The following ZFC3H1 variants were observed in gnomAD, a reference collection of about 807,000 sequenced individuals.
ZFC3H1 encodes the protein zinc finger C3H1-type containing.
In ZFC3H1, 71 loss-of-function variants were observed where a neutral mutation model predicts 243.7. That is an observed-to-expected ratio of 0.29 (90% CI 0.24 to 0.36). The LOEUF is 0.36. ZFC3H1 is among the 10% of genes least tolerant of loss of function. ZFC3H1 has a pLI of 1.00. For synonymous variants in ZFC3H1, 838 were observed against 813.0 expected (o/e 1.03, Z -0.52); for missense variants, 1,966 against 2,317.1 (o/e 0.85, Z 3.11).
At chr12:71,660,110 T>C (rs1465476983) in intron 1 of ZFC3H1, among the ~76,000 whole-genome samples, 1 of 152,196 alleles carries the variant, frequency 6.6e-6, no homozygotes, top group African/African-American at 2.4e-5. Flanking sequence ...TCAGGCTACT[T>C]TACTTCTAAA....
At position 71,657,320 on chromosome 12, in the gene ZFC3H1, A is replaced by T. The variant is rs1436808193; in HGVS notation, c.599-19T>A. 6.9e-7 allele frequency: 1 copy of T among 1,439,518 alleles called. No homozygotes were observed. Among genetic ancestry groups the T allele is most frequent in the Non-Finnish European group, 9.1e-7 (1 of 1,095,530 alleles). 89.2% of individuals were successfully genotyped at this position (1,439,518 alleles called of 1,614,324 possible). A position where few individuals can be genotyped will look rare whatever the true frequency, so the allele number is the denominator to read the frequency against. ...CTTTTGGCTGAACAGCATATTAAGG[A>T]AACCAGTTTCCAAAAATTTTCCACA... is the stretch of plus-strand genomic sequence containing the variant. On this transcript the variant is annotated intron_variant, in intron 1 of 34. Transcript: ENST00000378743.
chr12:71,621,470 G>C (rs143212944), intron 24 of ZFC3H1, among the ~76,000 whole-genome samples: 4,750 of 151,932 alleles, frequency 0.031, 207 homozygotes, highest in African/African-American at 0.11. Context: ...TGCCCGACTA[G>C]TTTTTGTATT....
chr12:71,614,766 G>C, intron 29 of ZFC3H1, 66 bp from the exon 30 acceptor site: 1 of 1,589,642 alleles, frequency 6.3e-7, no homozygotes, highest in Non-Finnish European at 8.6e-7. Context: ...AAGAAAGCTG[G>C]TCACCCCTTT....
At chr12:71,617,208 A>G (rs1305619160) in intron 27 of ZFC3H1, among the ~76,000 whole-genome samples, 2 of 152,218 alleles carry the variant, frequency 1.3e-5, no homozygotes, top group Non-Finnish European at 2.9e-5. Context: ...ACAACTTATG[A>G]ATTTAAAAAA....
rs1880687298 is a variant in ZFC3H1, at chr12:71,644,820, A to G, written c.1279+57T>C. The G allele has an allele frequency of 5.1e-6, 8 of 1,572,716 alleles. No homozygotes were observed. The East Asian group carries it at 1.8e-4, about 35-fold the overall frequency. On this transcript the variant is annotated intron_variant, in intron 4 of 34. Transcript: ENST00000378743. ...GCGACAAGAGCAAAACTCTGTCTCAAAAAACAAAAGAAAAGAAAACAAAAC... is the reference window on the plus strand; with the variant it reads ...GCGACAAGAGCAAAACTCTGTCTCAGAAAACAAAAGAAAAGAAAACAAAAC...
At chr12:71,658,014 T>C (rs1275541587) in intron 1 of ZFC3H1, among the ~76,000 whole-genome samples, 1 of 151,900 alleles carries the variant, frequency 6.6e-6, no homozygotes, top group Non-Finnish European at 1.5e-5. Context: ...AAAAACACTT[T>C]AAAATAGTAC....
chr12:71,658,282 A>ATTTTTTT (rs11454442), intron 1 of ZFC3H1, among the ~76,000 whole-genome samples: 5 of 92,810 alleles, frequency 5.4e-5, no homozygotes, highest in Non-Finnish European at 8.0e-5. Context: ...TCATTTATAG[A>ATTTTTTT]TTTTTTTTTT....
At position 71,615,209 on chromosome 12, in the gene ZFC3H1, T is replaced by C; in HGVS notation, c.5252A>G (p.Tyr1751Cys). 1 of 1,607,586 alleles carries C rather than the reference T, an allele frequency of 6.2e-7. No individual in the cohort carries two copies. Among genetic ancestry groups the C allele is most frequent in the Non-Finnish European group, 8.5e-7 (1 of 1,175,472 alleles). Residue 1751 changes from tyrosine to cysteine, a missense_variant, in exon 28 of 35, where the codon TAC (tyrosine) becomes TGC (cysteine). Physicochemically the swap from Tyr to Cys is radical, Grantham distance 194. This residue lies in a region of ZFC3H1 where 1,383 missense variants were observed against 1,723.7 expected (regional missense o/e 0.80). Coordinates refer to ENST00000378743, the MANE Select transcript of ZFC3H1 (RefSeq NM_144982.5). ...NHQVPYLWLIYCLCHPLQSSI... is the reference protein window; with the variant it reads ...NHQVPYLWLICCLCHPLQSSI... ...CTCTCCACAGTGGATGTCTCACCAG[T>C]AAATCAGCCACAAATAAGGAACTTG...
intron 3 of ZFC3H1, 22 bp from the exon 4 acceptor site, chr12:71,645,097 C>A: frequency 6.4e-7 from 1 of 1,558,980 alleles, no homozygotes; most frequent in Non-Finnish European, 8.6e-7. Flanking sequence ...AAAGAAAGAG[C>A]TAAAATTTTT....
At chr12:71,651,339 A>G (rs886761143) in intron 2 of ZFC3H1, among the ~76,000 whole-genome samples, 3 of 152,224 alleles carry the variant, frequency 2.0e-5, no homozygotes, top group Non-Finnish European at 4.4e-5. Flanking sequence ...TTAGTGCTGC[A>G]ACCTGTATCC....
Position 71,627,947 on chromosome 12 carries a change from A to C in ZFC3H1, c.3947-13T>G. ...TCTGGCTGGAAAGCTATTTAAAAAA[A>C]AAGTATTATTAGCTTCACATTTTCT... On this transcript the variant is annotated splice_polypyrimidine_tract_variant and intron_variant, in intron 20 of 34. Coordinates refer to ENST00000378743, the MANE Select transcript of ZFC3H1 (RefSeq NM_144982.5). 6.2e-7 allele frequency: 1 copy of C among 1,608,482 alleles called. No individual in the cohort carries two copies. The highest frequency in any genetic ancestry group is 1.7e-4 in the Middle Eastern group (1 of 6,048).
chr12:71,633,596 G>C (rs555823947), intron 12 of ZFC3H1, among the ~76,000 whole-genome samples, 158 bp from the exon 13 acceptor site: 1 of 151,980 alleles, frequency 6.6e-6, no homozygotes, highest in African/African-American at 2.4e-5. Context: ...TCATCACACA[G>C]GTATTTAAAT....
At chr12:71,629,758 A>C (rs370758936) in intron 18 of ZFC3H1, 48 bp from the exon 19 acceptor site, 62 of 1,189,160 alleles carry the variant, frequency 5.2e-5, no homozygotes, top group East Asian at 4.7e-4. Flanking sequence ...AATTACAGAG[A>C]CTAGGATAAT....
chr12:71,615,288 C>A lies in ZFC3H1; in HGVS notation c.5173G>T (p.Asp1725Tyr). 4 of 1,611,986 alleles carry A rather than the reference C, an allele frequency of 2.5e-6. No homozygotes were observed. Among genetic ancestry groups the A allele is most frequent in the Non-Finnish European group, 3.4e-6 (4 of 1,178,912 alleles). The change falls in exon 28 of 35, where the codon GAC (aspartate) becomes TAC (tyrosine). Residue 1725 changes from aspartate to tyrosine, a missense_variant. Around this residue, in one of 4 missense-constraint regions of ZFC3H1, gnomAD observed 1,383 missense variants for 1,723.7 expected, o/e 0.80. Coordinates refer to ENST00000378743, the MANE Select transcript of ZFC3H1 (RefSeq NM_144982.5). Reference sequence around the variant, plus strand: ...CCTTTACATAAACGAGATGGAATGTCAATTGGTCCTGGAATATTTAAGAGA... The same window carrying A: ...CCTTTACATAAACGAGATGGAATGTAAATTGGTCCTGGAATATTTAAGAGA... ...RYLLNIPGPIDIPSRLCKGNF... is the reference protein window; with the variant it reads ...RYLLNIPGPIYIPSRLCKGNF...
In ZFC3H1 at chr12:71,644,896, G is replaced by A; in HGVS notation, c.1260C>T (p.Ala420=). The A allele has an allele frequency of 6.2e-7, 1 of 1,609,672 alleles. No individual in the cohort carries two copies. The highest frequency in any genetic ancestry group is 8.5e-7 in the Non-Finnish European group (1 of 1,179,384). ...KVKTSTKTHS[A]KKVSTTAKQA... ...GATCACCTGTAGTGCTAACTTTTTT[G>A]GCCGAATGTGTTTTTGTACTTGTTT... The change falls in exon 4 of 35, where the codon GCC becomes GCT. Residue 420 remains alanine (A), a synonymous_variant. Transcript: ENST00000378743.
Position 71,663,340 on chromosome 12 carries a change from G to A in ZFC3H1, c.271C>T (p.His91Tyr), listed in dbSNP as rs754451359. The A allele has an allele frequency of 2.1e-5, 34 of 1,613,078 alleles. No individual in the cohort carries two copies. Among genetic ancestry groups the A allele is most frequent in the Non-Finnish European group, 2.6e-5 (31 of 1,180,034 alleles). Residue 91 changes from histidine to tyrosine, a missense_variant, in exon 1 of 35, where the codon CAC becomes TAC. His to Tyr is a moderately conservative substitution (Grantham distance 83). Coordinates refer to ENST00000378743, the MANE Select transcript of ZFC3H1 (RefSeq NM_144982.5). Reference sequence around the variant, plus strand: ...CTGAGGTGGCCCCGCTCAGACGCGTGCCGCGAGCGTGAGAAATTCCTCAGC... The same window carrying A: ...CTGAGGTGGCCCCGCTCAGACGCGTACCGCGAGCGTGAGAAATTCCTCAGC... ...QQLRNFSRSRHASERGHLRGP... is the reference protein window; with the variant it reads ...QQLRNFSRSRYASERGHLRGP...
chr12:71,636,637 A>G lies in ZFC3H1; in HGVS notation c.1953T>C (p.Ser651=), dbSNP rs780323971. 2 of 1,609,476 alleles carry G rather than the reference A, an allele frequency of 1.2e-6. No homozygotes were observed. Among genetic ancestry groups the G allele is most frequent in the South Asian group, 2.2e-5 (2 of 89,910 alleles). The change falls in exon 9 of 35, where the codon AGT becomes AGC. Residue 651 remains serine (S), a synonymous_variant. Coordinates refer to ENST00000378743, the MANE Select transcript of ZFC3H1 (RefSeq NM_144982.5). ...AFKPEETSSN[S]DPPSPPVLNN... is the part of the protein sequence containing the mutation. ...TCAGAACTGGAGGTGAAGGTGGGTCACTATTACTGGATGTTTCCTACATAA... is the reference window on the plus strand; with the variant it reads ...TCAGAACTGGAGGTGAAGGTGGGTCGCTATTACTGGATGTTTCCTACATAA...
At position 71,647,823 on chromosome 12, in the gene ZFC3H1, A is replaced by G; in HGVS notation, c.1016-10T>C. The G allele has an allele frequency of 8.9e-7, 1 of 1,121,958 alleles. No homozygotes were observed. The highest frequency in any genetic ancestry group is 1.3e-6 in the Non-Finnish European group (1 of 779,238). 69.5% of individuals were successfully genotyped at this position (1,121,958 alleles called of 1,614,324 possible). ...TCTTTATCTTGTAATCCTTTAAAAT[A>G]AAATAATATCTTTTGAATAATCCAA... On this transcript the variant is annotated splice_polypyrimidine_tract_variant and intron_variant, in intron 2 of 34. Coordinates refer to ENST00000378743, the MANE Select transcript of ZFC3H1 (RefSeq NM_144982.5).
chr12:71,656,965 CCTGGTAA>C lies in ZFC3H1; in HGVS notation c.928_934del (p.Leu310GlufsTer6). On this transcript the variant is annotated frameshift_variant, in exon 2 of 35. Coordinates refer to ENST00000378743, the MANE Select transcript of ZFC3H1 (RefSeq NM_144982.5). LOFTEE classifies it high-confidence loss of function. Reference sequence around the variant, plus strand: ...AACTTTTTTCAAACGGTTCTTATCTCCTGGTAAAGTCAATTTTTGCCTGAGTGGTTTT... The same window carrying C: ...AACTTTTTTCAAACGGTTCTTATCTCAGTCAATTTTTGCCTGAGTGGTTTT... 6.2e-7 allele frequency: 1 copy of C among 1,613,826 alleles called. No individual in the cohort carries two copies. Among genetic ancestry groups the C allele is most frequent in the Non-Finnish European group, 8.5e-7 (1 of 1,179,892 alleles).
Sources: allele counts gnomAD v4.1 joint callset (sites outside exome capture counted in the v4.1 genomes callset), GRCh38; gene constraint gnomAD v4.1.1; regional missense constraint gnomAD v4.1.1; transcripts MANE v1.5; gene names NCBI Gene and HGNC (gene_info 2026-07-23, HGNC 2026-07-21).